PBX3: variants seen among roughly 807,000 people sequenced by gnomAD.
PBX3 encodes PBX homeobox 3.
Under a neutral mutation model 48.5 loss-of-function variants are expected in PBX3, and 14 were observed. That is an observed-to-expected ratio of 0.29 (90% CI 0.19 to 0.45). The LOEUF (loss-of-function observed/expected upper bound fraction) is 0.45. PBX3 is among the 20% of genes least tolerant of loss of function. The pLI, the probability that PBX3 is intolerant of heterozygous loss-of-function variation, is 1.00. For synonymous variants in PBX3, 210 were observed against 200.3 expected, an observed-to-expected ratio of 1.05 and a Z score of -0.41; for missense variants, 386 against 546.7, an observed-to-expected ratio of 0.71 and a Z score of 2.93.
chr9:125,833,431 C>T (rs867384264), intron 2 of PBX3, among the ~76,000 whole-genome samples: 6 of 151,932 alleles, frequency 3.9e-5, no homozygotes, highest in East Asian at 1.9e-4. Context: ...TTGCAGTGAG[C>T]CTTGATTGCA....
intron 2 of PBX3, among the ~76,000 whole-genome samples, chr9:125,888,713 T>C (rs1443609194): frequency 6.6e-6 from 1 of 152,196 alleles, no homozygotes; most frequent in African/African-American, 2.4e-5. Context: ...ATGCCCTGTT[T>C]CAGTCTAAAT....
intron 2 of PBX3, among the ~76,000 whole-genome samples, chr9:125,863,074 T>G (rs1839900532): frequency 6.6e-6 from 1 of 151,814 alleles, no homozygotes; most frequent in Non-Finnish European, 1.5e-5. Flanking sequence ...ATTTTTGTAT[T>G]TTTTGTAGAG....
rs533758409 is a variant in PBX3, at chr9:125,748,026, C to T, written c.200+373C>T. ...CCGGCGGGGAGTCCCGGCGCCGGCT[C>T]CCGCGGCCGCGGGACGACCTCGCGA... is the stretch of plus-strand genomic sequence containing the variant. On this transcript the variant is annotated intron_variant, in intron 1 of 8. Transcript: ENST00000373489. 5.0e-3 allele frequency among the ~76,000 whole-genome samples: 753 copies of T among 151,802 alleles called. 8 individuals carry two copies. The highest frequency in any genetic ancestry group is 0.018 in the African/African-American group (726 of 41,466).
At chr9:125,762,132 T>C (rs560158376) in intron 2 of PBX3, among the ~76,000 whole-genome samples, 1 of 152,336 alleles carries the variant, frequency 6.6e-6, no homozygotes, top group South Asian at 2.1e-4. Flanking sequence ...CTATTCTGGC[T>C]GAGTGCTACT....
chr9:125,756,401 C>G (rs1260718026), intron 2 of PBX3, among the ~76,000 whole-genome samples: 1 of 152,124 alleles, frequency 6.6e-6, no homozygotes, highest in African/African-American at 2.4e-5. Flanking sequence ...GGGAGGAAGA[C>G]AGACCTTCTG....
At chr9:125,815,428 C>G (rs73667073) in intron 2 of PBX3, among the ~76,000 whole-genome samples, 5,544 of 152,152 alleles carry the variant, frequency 0.036, 352 homozygotes, top group African/African-American at 0.13. Context: ...TTTATATAAT[C>G]TCCCACATAA....
chr9:125,789,592 G>A (rs75861373), intron 2 of PBX3, among the ~76,000 whole-genome samples: 244 of 152,218 alleles, frequency 1.6e-3, no homozygotes, highest in African/African-American at 5.7e-3. Flanking sequence ...AAGTCACAGT[G>A]TTTTTGTAAC....
At position 125,966,316 on chromosome 9, in the gene PBX3, T is replaced by C. The variant is rs978014427; in HGVS notation, c.*393T>C. ...GATGCAAAAATTCACCTCACCTAAA[T>C]TGAACTTCTTGCATATTTCCATTAC... On this transcript the variant is annotated 3_prime_UTR_variant, in exon 9 of 9. Transcript: ENST00000373489. 6.4e-6 allele frequency: 1 copy of C among 155,644 alleles called. No homozygotes were observed. The highest frequency in any genetic ancestry group is 2.4e-5 in the African/African-American group (1 of 41,526). 9.6% of individuals were successfully genotyped at this position (155,644 alleles called of 1,614,324 possible). A position where few individuals can be genotyped will look rare whatever the true frequency, so the allele number is the denominator to read the frequency against.
At chr9:125,834,947 G>T (rs947640582) in intron 2 of PBX3, among the ~76,000 whole-genome samples, 4 of 139,334 alleles carry the variant, frequency 2.9e-5, no homozygotes, top group Admixed American at 7.5e-5. Flanking sequence ...AATCTGGGAG[G>T]CAGAAGTTGC....
chr9:125,927,836 T>G (rs1368131484), intron 3 of PBX3, among the ~76,000 whole-genome samples: 1 of 152,042 alleles, frequency 6.6e-6, no homozygotes, highest in Non-Finnish European at 1.5e-5. Context: ...GCCAAGAGTT[T>G]GAGACAAGTC....
chr9:125,898,152 C>T (rs1240785033), intron 2 of PBX3, among the ~76,000 whole-genome samples: 1 of 151,648 alleles, frequency 6.6e-6, no homozygotes, highest in African/African-American at 2.4e-5. Flanking sequence ...CAGATTTGAG[C>T]TCATGAAGCA....
chr9:125,747,619 A>G lies in PBX3; in HGVS notation c.166A>G (p.Ile56Val), dbSNP rs1253685794. 3.1e-6 allele frequency: 5 copies of G among 1,599,336 alleles called. No homozygotes were observed. Among genetic ancestry groups the G allele is most frequent in the Non-Finnish European group, 3.4e-6 (4 of 1,173,270 alleles). The part of the protein sequence containing the change: ...IGDILHQIMT[I>V]TDQSLDEAQA... ...CGACATCCTCCACCAGATCATGACC[A>G]TCACCGACCAGAGCTTGGACGAGGC... The change falls in exon 1 of 9, where the codon ATC becomes GTC. Residue 56 changes from isoleucine (I) to valine (V), a missense_variant. This residue lies in a region of PBX3 where 116 missense variants were observed against 98.2 expected (regional missense o/e 1.18). Transcript: ENST00000373489.
intron 2 of PBX3, among the ~76,000 whole-genome samples, chr9:125,818,835 A>G (rs909492502): frequency 5.3e-5 from 8 of 151,636 alleles, no homozygotes; most frequent in Admixed American, 5.3e-4. Context: ...GATGATGATG[A>G]TGATTATTAT....
intron 5 of PBX3, among the ~76,000 whole-genome samples, chr9:125,943,520 C>T (rs1588323965): frequency 6.6e-6 from 1 of 151,886 alleles, no homozygotes; most frequent in African/African-American, 2.4e-5. Flanking sequence ...TTTACCTATT[C>T]CTTCTCTTCT....
chr9:125,960,316 G>A (rs983946707), intron 5 of PBX3, among the ~76,000 whole-genome samples: 2 of 152,178 alleles, frequency 1.3e-5, no homozygotes, highest in African/African-American at 4.8e-5. Flanking sequence ...TCATGTTCAA[G>A]TATTTCTTAT....
At chr9:125,805,128 G>A (rs956369471) in intron 2 of PBX3, among the ~76,000 whole-genome samples, 7 of 151,628 alleles carry the variant, frequency 4.6e-5, no homozygotes, top group African/African-American at 1.7e-4. Context: ...TTTTTGAGGC[G>A]GTATCATTTC....
At chr9:125,781,300 T>C (rs1207916920) in intron 2 of PBX3, among the ~76,000 whole-genome samples, 1 of 151,770 alleles carries the variant, frequency 6.6e-6, no homozygotes, top group African/African-American at 2.4e-5. Context: ...GGCGGATCAC[T>C]CGCTGTTAGG....
In PBX3 at chr9:125,759,672, G is replaced by A. The variant is rs907621787; in HGVS notation, c.274+11049G>A. On this transcript the variant is annotated intron_variant, in intron 2 of 8. Coordinates refer to ENST00000373489, the MANE Select transcript of PBX3 (RefSeq NM_006195.6). This position sits in a 1 kb window ranked among gnomAD's most constrained non-coding sequence, Gnocchi z 4.2. ...AAGTGTTTTTGTGGCCCTCTCATCC[G>A]TAGCTAGGAGCAGTTTGTGGACCGC... 2.6e-5 allele frequency among the ~76,000 whole-genome samples: 4 copies of A among 152,330 alleles called. No individual in the cohort carries two copies. The East Asian group carries it at 5.8e-4, about 22-fold the overall frequency.
chr9:125,793,695 G>T (rs1002022489), intron 2 of PBX3, among the ~76,000 whole-genome samples: 4 of 152,056 alleles, frequency 2.6e-5, no homozygotes, highest in Non-Finnish European at 5.9e-5. Flanking sequence ...CTCCCAAAGT[G>T]CTGGGATTAC....
Sources: gnomAD v4.1 joint callset for allele counts (sites outside exome capture counted in the v4.1 genomes callset) on GRCh38, gnomAD v4.1.1 for gene constraint, gnomAD v4.1.1 regional missense constraint, Gnocchi (gnomAD v3.1) non-coding constraint, MANE v1.5 for transcripts, NCBI Gene and HGNC (gene_info 2026-07-23, HGNC 2026-07-21) for gene names.